The following TMEM185A variants were observed in gnomAD, a reference collection of about 807,000 sequenced individuals.
TMEM185A encodes transmembrane protein 185A.
TMEM185A carries 9 observed loss-of-function variants against 25.0 expected under a neutral mutation model. That is an observed-to-expected ratio of 0.36 (90% confidence interval 0.22 to 0.63). The LOEUF is 0.63. Among genes scored for constraint, TMEM185A ranks in the 20% least tolerant of loss-of-function variants. The probability of loss-of-function intolerance (pLI) is 0.68; values close to 1 mark genes in which losing one functional copy is unlikely to be tolerated. For missense variants in TMEM185A, 103 were observed against 237.4 expected (o/e 0.43, Z 3.72); for synonymous variants, 45 against 93.5 (o/e 0.48, Z 2.99).
chrX:149,616,124 C>T (rs2090109086), intron 1 of TMEM185A, among the ~76,000 whole-genome samples: 1 of 112,300 alleles, frequency 8.9e-6, no homozygotes, highest in Non-Finnish European at 1.9e-5. Context: ...TACCATCACA[C>T]TGGGGACTAG....
Position 149,631,776 on chromosome X carries a change from G to A in TMEM185A, c.-196C>T, listed in dbSNP as rs2090199915. ...CGCCGCCGCCGCCGCCGCCGCCGCC[G>A]CCGCCCGGAGAAACCTGAGCCACCG... On this transcript the variant is annotated 5_prime_UTR_variant, in exon 1 of 7. Transcript: ENST00000600449. 3 of 170,261 alleles carry A rather than the reference G, an allele frequency of 1.8e-5. No individual in the cohort carries two copies. The highest frequency in any genetic ancestry group is 2.7e-4 in the East Asian group (2 of 7,455). The allele number at this position is 170,261 out of a possible 1,213,427, so 14.0% of individuals were successfully genotyped here.
intron 2 of TMEM185A, among the ~76,000 whole-genome samples, chrX:149,609,796 C>T (rs2090072238): frequency 8.9e-6 from 1 of 112,394 alleles, no homozygotes; most frequent in African/African-American, 3.2e-5. Context: ...TACACAATTC[C>T]TTTCCTTGCT....
intron 1 of TMEM185A, among the ~76,000 whole-genome samples, chrX:149,614,839 T>C (rs1288169762): frequency 8.9e-6 from 1 of 111,888 alleles, no homozygotes; most frequent in Admixed American, 9.4e-5. Flanking sequence ...AACAAAGACA[T>C]GGAAACTGCA....
chrX:149,618,137 A>C (rs1482768624), intron 1 of TMEM185A, among the ~76,000 whole-genome samples: 1 of 111,878 alleles, frequency 8.9e-6, no homozygotes, highest in Admixed American at 9.4e-5. Context: ...TGATAAATGA[A>C]CATGTTTAGA....
At chrX:149,606,051 G>A (rs1181017091) in intron 3 of TMEM185A, among the ~76,000 whole-genome samples, 1 of 112,176 alleles carries the variant, frequency 8.9e-6, no homozygotes, top group Admixed American at 9.4e-5. Flanking sequence ...TTTCTAAGTA[G>A]CCACTAGAAA....
At chrX:149,620,492 T>C (rs1359514226) in intron 1 of TMEM185A, among the ~76,000 whole-genome samples, 1 of 111,815 alleles carries the variant, frequency 8.9e-6, no homozygotes, top group Non-Finnish European at 1.9e-5. Flanking sequence ...TAAGTGAAGC[T>C]GGCATTTTTT....
At chrX:149,613,165 C>T (rs2124217855) in intron 1 of TMEM185A, among the ~76,000 whole-genome samples, 1 of 112,253 alleles carries the variant, frequency 8.9e-6, no homozygotes, top group African/African-American at 3.2e-5. Context: ...CTGAGTAATA[C>T]TGTGAAGGGA....
intron 4 of TMEM185A, among the ~76,000 whole-genome samples, chrX:149,602,685 C>CT (rs2090024188): frequency 8.9e-6 from 1 of 112,106 alleles, no homozygotes; most frequent in African/African-American, 3.2e-5. Context: ...AATTACTAAT[C>CT]TTTTTTTTCC....
intron 3 of TMEM185A, among the ~76,000 whole-genome samples, chrX:149,604,442 C>G (rs1557352985): frequency 8.9e-6 from 1 of 111,999 alleles, no homozygotes; most frequent in Non-Finnish European, 1.9e-5. Context: ...CATCCTTCTT[C>G]TCATACCTCG....
intron 2 of TMEM185A, among the ~76,000 whole-genome samples, chrX:149,610,458 A>G (rs899429281): frequency 7.0e-4 from 70 of 99,805 alleles, no homozygotes; most frequent in South Asian, 1.4e-3. Flanking sequence ...AAAAAAAAAA[A>G]GGTGCGGTAG....
chrX:149,616,524 G>A (rs1049888788), intron 1 of TMEM185A, among the ~76,000 whole-genome samples: 3 of 111,313 alleles, frequency 2.7e-5, no homozygotes, highest in Non-Finnish European at 3.8e-5. Flanking sequence ...TCAAATCTCT[G>A]TCTCTGTTTC....
chrX:149,621,310 A>G (rs1474597574), intron 1 of TMEM185A, among the ~76,000 whole-genome samples: 1 of 111,912 alleles, frequency 8.9e-6, no homozygotes, highest in Non-Finnish European at 1.9e-5. Context: ...TAGTGGAACT[A>G]AAGAAAAGAG....
intron 3 of TMEM185A, among the ~76,000 whole-genome samples, chrX:149,607,524 T>C (rs1282853065): frequency 1.8e-5 from 2 of 113,109 alleles, no homozygotes; most frequent in African/African-American, 6.4e-5. Context: ...CCACATGTAA[T>C]GTGCCTCGCA....
intron 1 of TMEM185A, among the ~76,000 whole-genome samples, chrX:149,620,088 A>C (rs1164672015): frequency 8.9e-6 from 1 of 111,787 alleles, no homozygotes; most frequent in East Asian, 2.8e-4. Context: ...GCGATTCCTC[A>C]GGGATCTAGA....
chrX:149,621,807 C>T (rs1439196397), intron 1 of TMEM185A, among the ~76,000 whole-genome samples: 2 of 112,066 alleles, frequency 1.8e-5, no homozygotes, highest in African/African-American at 6.5e-5. Flanking sequence ...TACTGAATCA[C>T]TCTGACCTCC....
At chrX:149,614,771 A>C (rs1221839736) in intron 1 of TMEM185A, among the ~76,000 whole-genome samples, 3 of 112,000 alleles carry the variant, frequency 2.7e-5, no homozygotes, top group Non-Finnish European at 5.7e-5. Context: ...AATCCTAATA[A>C]TACTAAAGGG....
intron 2 of TMEM185A, 133 bp downstream of exon 2, chrX:149,611,154 G>A (rs1329769205): frequency 4.1e-5 from 25 of 607,726 alleles, no homozygotes; most frequent in Non-Finnish European, 4.8e-5. Flanking sequence ...GAAGAGATCT[G>A]TTAGCTTATA....
At chrX:149,626,747 G>A (rs1452372614) in intron 1 of TMEM185A, among the ~76,000 whole-genome samples, 3 of 112,120 alleles carry the variant, frequency 2.7e-5, no homozygotes, top group African/African-American at 9.8e-5. Flanking sequence ...GGCAACAGGT[G>A]GGGAGAAGGT....
chrX:149,612,724 G>A (rs905789195), intron 1 of TMEM185A, among the ~76,000 whole-genome samples: 1 of 111,989 alleles, frequency 8.9e-6, no homozygotes, highest in African/African-American at 3.2e-5. Flanking sequence ...TTGGTGGAAT[G>A]CTTATCAGGG....
Sources: gnomAD v4.1 joint callset for allele counts (sites outside exome capture counted in the v4.1 genomes callset) on GRCh38, gnomAD v4.1.1 for gene constraint, MANE v1.5 for transcripts, NCBI Gene and HGNC (gene_info 2026-07-23, HGNC 2026-07-21) for gene names.